PTPRN2: variants seen among roughly 807,000 people sequenced by gnomAD.
PTPRN2 encodes the protein receptor-type tyrosine-protein phosphatase N2.
Under a neutral mutation model 118.8 loss-of-function variants are expected in PTPRN2, and 74 were observed. The ratio of observed to expected loss-of-function variants is 0.62; its 90% CI spans 0.52 to 0.76. PTPRN2 has a LOEUF of 0.76. Among genes scored for constraint, PTPRN2 ranks in the 30% least tolerant of loss-of-function variants. The pLI is 0.00. For synonymous variants in PTPRN2, 641 were observed against 608.0 expected, an observed-to-expected ratio of 1.05 and a Z score of -0.80; for missense variants, 1,481 against 1,394.4, an observed-to-expected ratio of 1.06 and a Z score of -0.99.
At chr7:158,405,239 G>A (rs1318572984) in intron 2 of PTPRN2, among the ~76,000 whole-genome samples, 1 of 152,140 alleles carries the variant, frequency 6.6e-6, no homozygotes, top group Non-Finnish European at 1.5e-5. Flanking sequence ...GAATTCCTGG[G>A]TGTCACATCC....
intron 2 of PTPRN2, among the ~76,000 whole-genome samples, chr7:158,319,559 TCTCCCTCACACACGCACACAGC>T (rs1563131884): frequency 2.4e-4 from 9 of 37,786 alleles, no homozygotes; most frequent in Admixed American, 8.9e-4. Context: ...ACACACACGG[TCTCCCTCACACACGCACACAGC>T]CTCCCTCACA....
At chr7:158,354,694 C>T (rs1808251289) in intron 2 of PTPRN2, among the ~76,000 whole-genome samples, 2 of 152,214 alleles carry the variant, frequency 1.3e-5, no homozygotes, top group South Asian at 4.1e-4. Flanking sequence ...TACCTCAAAA[C>T]ACCAAATCCA....
intron 11 of PTPRN2, among the ~76,000 whole-genome samples, chr7:157,965,416 T>A (rs1349569347): frequency 6.6e-6 from 1 of 152,110 alleles, no homozygotes. Flanking sequence ...CATCTCACCA[T>A]CGAGAGACTG....
In PTPRN2 at chr7:158,156,684, C is replaced by T. The variant is rs576923002; in HGVS notation, c.910+10247G>A. Among the ~76,000 whole-genome samples the T allele has an allele frequency of 1.5e-3, 221 of 152,340 alleles. 1 individual carries two copies. The highest frequency in any genetic ancestry group is 2.7e-3 in the Non-Finnish European group (185 of 68,022). ...GCCCTGGGGCTTCGAGCCCCCAGTT[C>T]CAGCCTGTGACGCACTCACCCGTGG... On this transcript the variant is annotated intron_variant, in intron 6 of 22. Coordinates refer to ENST00000389418, the MANE Select transcript of PTPRN2 (RefSeq NM_002847.5).
chr7:158,527,143 C>G (rs533577783), intron 1 of PTPRN2, among the ~76,000 whole-genome samples: 13 of 152,170 alleles, frequency 8.5e-5, no homozygotes, highest in Non-Finnish European at 1.9e-4. Context: ...TCCGAGGATC[C>G]CCCACAGCCT....
At chr7:158,450,773 C>T (rs969158763) in intron 2 of PTPRN2, among the ~76,000 whole-genome samples, 2 of 152,250 alleles carry the variant, frequency 1.3e-5, no homozygotes, top group African/African-American at 2.4e-5. Context: ...GGGTCACGTC[C>T]AGCCTGGGGA....
At position 158,109,267 on chromosome 7, in the gene PTPRN2, T is replaced by C. The variant is rs189861149; in HGVS notation, c.1643+1562A>G. Among the ~76,000 whole-genome samples, 65 of 109,828 alleles carry C rather than the reference T, an allele frequency of 5.9e-4. No individual in the cohort carries two copies. In the East Asian group the frequency reaches 0.015, roughly 26 times the overall value. 72.1% of individuals were successfully genotyped at this position (109,828 alleles called of 152,430 possible). ...GGAGCCAGTGAGTGAATGACATAAC[T>C]CCTGAGTGAAGGAGACAGTGAGTGA... On this transcript the variant is annotated intron_variant, in intron 10 of 22. Coordinates refer to ENST00000389418, the MANE Select transcript of PTPRN2 (RefSeq NM_002847.5).
At chr7:158,412,321 C>T in intron 2 of PTPRN2, among the ~76,000 whole-genome samples, 1 of 108,624 alleles carries the variant, frequency 9.2e-6, no homozygotes. Flanking sequence ...GCGCCCTCCT[C>T]AGCACCAGGG....
chr7:157,980,621 C>T (rs1481655370), intron 11 of PTPRN2, among the ~76,000 whole-genome samples: 5 of 152,240 alleles, frequency 3.3e-5, no homozygotes, highest in South Asian at 2.1e-4. Flanking sequence ...CATGGTGGCA[C>T]GTGCCTGTAG....
intron 1 of PTPRN2, among the ~76,000 whole-genome samples, chr7:158,562,495 C>T (rs993390689): frequency 3.9e-5 from 6 of 152,132 alleles, no homozygotes; most frequent in African/African-American, 9.7e-5. Context: ...AAAATATAAT[C>T]GTGGAATCAA....
At chr7:157,722,497 C>T (rs941237694) in intron 12 of PTPRN2, among the ~76,000 whole-genome samples, 5 of 152,150 alleles carry the variant, frequency 3.3e-5, no homozygotes, top group African/African-American at 7.2e-5. Context: ...GTGGTGCAGA[C>T]GAGCAGTGAA....
rs1052313800 is a variant in PTPRN2 at position 157,992,892 on chromosome 7, G to T, written c.1723+88406C>A. ...AGTATCTTCAGTTTTGCCCACGCAG[G>T]CCCCTTGAAGGGGACACACAGACGC... On this transcript the variant is annotated intron_variant, in intron 11 of 22. Coordinates refer to ENST00000389418, the MANE Select transcript of PTPRN2 (RefSeq NM_002847.5). Among the ~76,000 whole-genome samples the T allele has an allele frequency of 1.4e-4, 21 of 152,282 alleles. 1 individual carries two copies. The highest frequency in any genetic ancestry group is 1.5e-5 in the Non-Finnish European group (1 of 68,050).
chr7:158,072,971 C>T (rs894579171), intron 11 of PTPRN2, among the ~76,000 whole-genome samples: 2 of 152,212 alleles, frequency 1.3e-5, no homozygotes, highest in African/African-American at 4.8e-5. Flanking sequence ...ACCCTCTGCC[C>T]TGCCCAAGAT....
intron 10 of PTPRN2, 127 bp from the exon 11 acceptor site, chr7:158,081,504 G>C: frequency 1.2e-6 from 1 of 823,090 alleles, no homozygotes; most frequent in Non-Finnish European, 2.0e-6. Context: ...GTGGCTCCAG[G>C]CGTCGACTCC....
intron 7 of PTPRN2, among the ~76,000 whole-genome samples, chr7:158,137,868 A>G (rs1192294273): frequency 6.6e-6 from 1 of 152,176 alleles, no homozygotes; most frequent in Admixed American, 6.5e-5. Flanking sequence ...CTGCCGGGGT[A>G]GTGGTGCTGA....
At chr7:157,681,292 G>A (rs1796905165) in intron 13 of PTPRN2, among the ~76,000 whole-genome samples, 1 of 152,200 alleles carries the variant, frequency 6.6e-6, no homozygotes, top group South Asian at 2.1e-4. Context: ...CACAGACTTG[G>A]CCTGAAGACC....
intron 1 of PTPRN2, among the ~76,000 whole-genome samples, chr7:158,568,179 G>A (rs1827773309): frequency 6.6e-6 from 1 of 152,124 alleles, no homozygotes; most frequent in Non-Finnish European, 1.5e-5. Flanking sequence ...CTTGAGCCCT[G>A]GAGGCAAAGG....
chr7:158,202,046 C>T (rs1179340683), intron 4 of PTPRN2, among the ~76,000 whole-genome samples: 2 of 152,186 alleles, frequency 1.3e-5, no homozygotes, highest in Non-Finnish European at 2.9e-5. Context: ...CACTACACTG[C>T]ATTTACAAAT....
chr7:158,205,752 A>G (rs1323974925), intron 3 of PTPRN2, among the ~76,000 whole-genome samples: 2 of 152,186 alleles, frequency 1.3e-5, no homozygotes, highest in Admixed American at 6.5e-5. Context: ...TGTGTGCCCC[A>G]GAGAGAGAAC....
Sources: allele counts gnomAD v4.1 joint callset (sites outside exome capture counted in the v4.1 genomes callset), GRCh38; gene constraint gnomAD v4.1.1; transcripts MANE v1.5; gene names NCBI Gene and HGNC (gene_info 2026-07-23, HGNC 2026-07-21).